Variants in MAPK10 observed in about 807,000 individuals in gnomAD.
MAPK10 encodes JNK3 alpha protein kinase.
A neutral mutation model predicts 59.3 loss-of-function variants in MAPK10; 25 were observed. The ratio of observed to expected loss-of-function variants is 0.42; its 90% CI spans 0.31 to 0.59. MAPK10 has a LOEUF of 0.59. Ranked by LOEUF, MAPK10 falls within the 20% of genes least tolerant of loss-of-function variation. The pLI, the probability that MAPK10 is intolerant of heterozygous loss-of-function variation, is 0.15. For missense variants in MAPK10, 351 were observed against 568.9 expected (o/e 0.62, Z 3.90); for synonymous variants, 190 against 200.5 (o/e 0.95, Z 0.44).
At chr4:86,077,272 T>C (rs1359784023) in intron 9 of MAPK10, among the ~76,000 whole-genome samples, 1 of 152,200 alleles carries the variant, frequency 6.6e-6, no homozygotes, top group African/African-American at 2.4e-5. Context: ...ATTTTTCCAA[T>C]TAATATTATC....
rs1431735347 is a variant in MAPK10, at chr4:86,028,357, T to C, written c.1252+840A>G. 2.0e-5 allele frequency: 3 copies of C among 152,142 alleles called. No homozygotes were observed. In the East Asian group the frequency reaches 5.8e-4, roughly 29 times the overall value. The allele number at this position is 152,142 out of a possible 1,614,324, so 9.4% of individuals were successfully genotyped here. ...ATGTCATAACCGAATTGCATCTGTT[T>C]GGGTATCATAGTGGTTTGGGGTGTA... On this transcript the variant is annotated intron_variant, in intron 13 of 13. Transcript: ENST00000641462.
At chr4:86,379,839 T>TC (rs1251947099) in intron 1 of MAPK10, among the ~76,000 whole-genome samples, 1 of 152,212 alleles carries the variant, frequency 6.6e-6, no homozygotes, top group Admixed American at 6.5e-5. Context: ...GATTTCCCAC[T>TC]CCACACCTCT....
chr4:86,494,271 G>T (rs1331905373), intron 1 of MAPK10, among the ~76,000 whole-genome samples: 5 of 152,210 alleles, frequency 3.3e-5, no homozygotes, highest in Non-Finnish European at 7.3e-5. Flanking sequence ...AGGGGCAGTG[G>T]AAGTCTGGCA....
intron 2 of MAPK10, among the ~76,000 whole-genome samples, chr4:86,217,469 T>C (rs1341344889): frequency 6.6e-6 from 1 of 152,226 alleles, no homozygotes; most frequent in Non-Finnish European, 1.5e-5. Context: ...TGCCTAGTTA[T>C]ATCTTTTCCT....
intron 1 of MAPK10, among the ~76,000 whole-genome samples, chr4:86,410,302 C>A (rs1041862404): frequency 1.3e-5 from 2 of 152,146 alleles, no homozygotes; most frequent in African/African-American, 4.8e-5. Flanking sequence ...ATTCAGTTTG[C>A]CAGTATTTTA....
intron 1 of MAPK10, among the ~76,000 whole-genome samples, chr4:86,520,030 G>A (rs772414902): frequency 3.3e-5 from 5 of 152,246 alleles, no homozygotes; most frequent in Admixed American, 1.3e-4. Context: ...TGATGCTTTT[G>A]CCTCACAGCT....
At chr4:86,107,388 A>G (rs762221176) in intron 4 of MAPK10, 36 bp from the exon 5 acceptor site, 2 of 1,591,394 alleles carry the variant, frequency 1.3e-6, no homozygotes, top group South Asian at 1.2e-5. Flanking sequence ...AATTAAGAAC[A>G]AAAGATTCCT....
chr4:86,276,785 G>C (rs2094592598), intron 2 of MAPK10, among the ~76,000 whole-genome samples: 1 of 151,956 alleles, frequency 6.6e-6, no homozygotes. Flanking sequence ...TCATTGTCTG[G>C]TTCTATCATT....
chr4:86,287,498 C>A (rs996783282), intron 2 of MAPK10, among the ~76,000 whole-genome samples: 2 of 152,128 alleles, frequency 1.3e-5, no homozygotes, highest in African/African-American at 4.8e-5. Flanking sequence ...CAGCTGCCAT[C>A]GTTTTAGGAA....
At chr4:86,421,192 G>A (rs552787457) in intron 1 of MAPK10, among the ~76,000 whole-genome samples, 84 of 152,184 alleles carry the variant, frequency 5.5e-4, no homozygotes, top group African/African-American at 1.9e-3. Context: ...AATCTTGTGG[G>A]TCATTTCCCC....
At position 86,095,978 on chromosome 4, in the gene MAPK10, T is replaced by C. The variant is rs546905150; in HGVS notation, c.802+2546A>G. 3.3e-5 allele frequency among the ~76,000 whole-genome samples: 5 copies of C among 151,954 alleles called. No individual in the cohort carries two copies. The East Asian group carries it at 7.7e-4, about 23-fold the overall frequency. On this transcript the variant is annotated intron_variant, in intron 9 of 13. Transcript: ENST00000641462. Reference sequence around the variant, plus strand: ...ATTTTTTGGTAAAATTTAACTTAAGTAAAAGGCTTTCCATTGTAGGTGTCT... The same window carrying C: ...ATTTTTTGGTAAAATTTAACTTAAGCAAAAGGCTTTCCATTGTAGGTGTCT...
chr4:86,138,555 T>A (rs909583391), intron 4 of MAPK10, among the ~76,000 whole-genome samples: 1 of 134,616 alleles, frequency 7.4e-6, no homozygotes, highest in African/African-American at 2.7e-5. Flanking sequence ...AAGAGCTATC[T>A]ATGACAAACC....
chr4:86,046,467 G>C lies in MAPK10; in HGVS notation c.1111-15036C>G, dbSNP rs114437347. 6.9e-3 allele frequency among the ~76,000 whole-genome samples: 1,044 copies of C among 150,874 alleles called. 8 individuals carry two copies. Among genetic ancestry groups the C allele is most frequent in the Non-Finnish European group, 0.012 (835 of 67,908 alleles). On this transcript the variant is annotated intron_variant, in intron 11 of 13. Transcript: ENST00000641462. ...TGTCATAAATAGCTGTTATTATTTTGAGATTTTGGGCTGAGACAATGGGGT... is the reference window on the plus strand; with the variant it reads ...TGTCATAAATAGCTGTTATTATTTTCAGATTTTGGGCTGAGACAATGGGGT...
chr4:86,545,997 T>C (rs1759119715), intron 1 of MAPK10, among the ~76,000 whole-genome samples: 1 of 152,222 alleles, frequency 6.6e-6, no homozygotes, highest in Admixed American at 6.5e-5. Flanking sequence ...ACGCCTGTAA[T>C]CCCAGCACTT....
chr4:86,393,429 A>AT (rs1247302664), intron 1 of MAPK10, among the ~76,000 whole-genome samples: 2 of 152,040 alleles, frequency 1.3e-5, no homozygotes, highest in East Asian at 3.9e-4. Context: ...CAGTCCTTCC[A>AT]TTTTTTAATA....
rs1182395011 is a variant in MAPK10, at chr4:86,185,114, G to C, written c.66+9222C>G. Among the ~76,000 whole-genome samples, 6 of 152,128 alleles carry C rather than the reference G, an allele frequency of 3.9e-5. No individual in the cohort carries two copies. The East Asian group carries it at 9.6e-4, about 24-fold the overall frequency. On this transcript the variant is annotated intron_variant, in intron 3 of 13. Coordinates refer to ENST00000641462, the MANE Select transcript of MAPK10 (RefSeq NM_138982.4). ...ACTTGGCATCGTTAAACTTTGAGTT[G>C]GAAAGTTGTGCATATTCAGCTCTTG... is the stretch of plus-strand genomic sequence containing the variant.
intron 1 of MAPK10, among the ~76,000 whole-genome samples, chr4:86,483,943 A>G (rs1245670828): frequency 6.6e-6 from 1 of 152,168 alleles, no homozygotes; most frequent in African/African-American, 2.4e-5. Flanking sequence ...AAATGTTGGA[A>G]TAGGAGCAAG....
At chr4:86,540,825 A>G (rs1419851661) in intron 1 of MAPK10, among the ~76,000 whole-genome samples, 1 of 151,924 alleles carries the variant, frequency 6.6e-6, no homozygotes, top group Non-Finnish European at 1.5e-5. Context: ...ACTTTGGGGT[A>G]GGCGTGGTGG....
At chr4:86,430,776 G>A (rs1175921358) in intron 1 of MAPK10, among the ~76,000 whole-genome samples, 2 of 152,128 alleles carry the variant, frequency 1.3e-5, no homozygotes, top group Non-Finnish European at 2.9e-5. Flanking sequence ...GGGAAAAAAC[G>A]TCACGATACA....
Sources: allele counts gnomAD v4.1 joint callset (sites outside exome capture counted in the v4.1 genomes callset), GRCh38; gene constraint gnomAD v4.1.1; transcripts MANE v1.5; gene names NCBI Gene and HGNC (gene_info 2026-07-23, HGNC 2026-07-21).